Variants in RPS6KA2 observed in about 807,000 individuals in gnomAD.
RPS6KA2 encodes ribosomal protein S6 kinase A2, also known as ribosomal protein S6 kinase alpha-2.
In RPS6KA2, 42 loss-of-function variants were observed where a neutral mutation model predicts 91.8. The ratio of observed to expected loss-of-function variants is 0.46; its 90% CI spans 0.36 to 0.59. The LOEUF (loss-of-function observed/expected upper bound fraction) is 0.59, where lower values mean the gene tolerates loss of function less well. Ranked by LOEUF, RPS6KA2 falls within the 20% of genes least tolerant of loss-of-function variation. The pLI, the probability that RPS6KA2 is intolerant of heterozygous loss-of-function variation, is 0.00. For missense variants in RPS6KA2, 798 were observed against 978.5 expected (o/e 0.82, Z 2.46); for synonymous variants, 414 against 393.6 (o/e 1.05, Z -0.61).
At chr6:166,477,084 C>T (rs546017638) in intron 10 of RPS6KA2, among the ~76,000 whole-genome samples, 5 of 152,166 alleles carry the variant, frequency 3.3e-5, no homozygotes, top group Non-Finnish European at 5.9e-5. Context: ...CTCTGCCCAG[C>T]GGGGTTTTCA....
At chr6:166,840,352 C>T (rs557563046) in intron 2 of RPS6KA2, among the ~76,000 whole-genome samples, 28 of 152,262 alleles carry the variant, frequency 1.8e-4, no homozygotes, top group Middle Eastern at 3.4e-3. Flanking sequence ...TGTGAGAGTG[C>T]GACGGCCTTC....
intron 2 of RPS6KA2, among the ~76,000 whole-genome samples, chr6:166,717,959 C>T (rs949934533): frequency 1.3e-5 from 2 of 152,002 alleles, no homozygotes; most frequent in African/African-American, 2.4e-5. Flanking sequence ...GGCGATTCTC[C>T]TGCGTCAGCC....
chr6:166,829,027 C>T (rs1173816912), intron 2 of RPS6KA2, among the ~76,000 whole-genome samples: 4 of 152,110 alleles, frequency 2.6e-5, no homozygotes, highest in Non-Finnish European at 4.4e-5. Flanking sequence ...AAATAGCAAA[C>T]GACTTGAACA....
intron 12 of RPS6KA2, among the ~76,000 whole-genome samples, chr6:166,456,624 A>G (rs952050010): frequency 6.6e-6 from 1 of 152,254 alleles, no homozygotes; most frequent in Non-Finnish European, 1.5e-5. Context: ...TCCCACTGTG[A>G]GTCCAGGATC....
chr6:166,466,874 A>ACTCC, intron 11 of RPS6KA2, among the ~76,000 whole-genome samples: 1 of 151,500 alleles, frequency 6.6e-6, no homozygotes. Context: ...TTACTCATTC[A>ACTCC]CTCACTCACT....
At chr6:166,578,370 G>A (rs1312076586) in intron 1 of RPS6KA2, among the ~76,000 whole-genome samples, 1 of 152,208 alleles carries the variant, frequency 6.6e-6, no homozygotes, top group East Asian at 1.9e-4. Context: ...GAGCAGTTAA[G>A]AGGCCTCAAT....
chr6:166,634,974 G>A (rs1020853076), intron 2 of RPS6KA2, among the ~76,000 whole-genome samples: 4 of 151,962 alleles, frequency 2.6e-5, no homozygotes, highest in African/African-American at 9.7e-5. Flanking sequence ...AAAATCCACA[G>A]GAAAAAAACT....
intron 1 of RPS6KA2, among the ~76,000 whole-genome samples, chr6:166,549,774 C>T (rs1783940364): frequency 6.6e-6 from 1 of 152,104 alleles, no homozygotes; most frequent in African/African-American, 2.4e-5. Flanking sequence ...TTGCAGAGAA[C>T]TCATATACAC....
At chr6:166,793,271 A>G (rs552208400) in intron 2 of RPS6KA2, among the ~76,000 whole-genome samples, 5 of 147,886 alleles carry the variant, frequency 3.4e-5, no homozygotes, top group African/African-American at 1.2e-4. Flanking sequence ...AAAGAGAATA[A>G]AATACCTAGG....
intron 16 of RPS6KA2, 135 bp downstream of exon 16, chr6:166,430,315 CAAG>C: frequency 1.2e-6 from 1 of 831,522 alleles, no homozygotes; most frequent in Non-Finnish European, 1.9e-6. Flanking sequence ...CCTCCAGACA[CAAG>C]AGAGACGATG....
At chr6:166,724,642 C>G (rs1326843552) in intron 2 of RPS6KA2, among the ~76,000 whole-genome samples, 2 of 152,244 alleles carry the variant, frequency 1.3e-5, no homozygotes, top group Non-Finnish European at 2.9e-5. Context: ...CGTCACCGCA[C>G]AGGTCCTGGT....
intron 1 of RPS6KA2, among the ~76,000 whole-genome samples, chr6:166,581,092 G>A (rs974388433): frequency 5.3e-5 from 8 of 152,040 alleles, no homozygotes; most frequent in Non-Finnish European, 8.8e-5. Flanking sequence ...GTAGATAGGG[G>A]TTTTGCCAGG....
chr6:166,565,264 C>T (rs3778403), intron 1 of RPS6KA2, among the ~76,000 whole-genome samples: 61,655 of 152,116 alleles, frequency 0.41, 12,849 homozygotes, highest in East Asian at 0.6. Flanking sequence ...GAGAGAGGCC[C>T]GTTGTTTAAG....
At chr6:166,807,041 A>G (rs74547609) in intron 2 of RPS6KA2, among the ~76,000 whole-genome samples, 2,170 of 152,336 alleles carry the variant, frequency 0.014, 58 homozygotes, top group African/African-American at 0.049. Flanking sequence ...ATGTTTTACT[A>G]TAAAAATCAA....
Position 166,412,532 on chromosome 6 carries a change from T to G in RPS6KA2, c.*230A>C. The G allele has an allele frequency of 2.4e-6, 1 of 409,622 alleles. No individual in the cohort carries two copies. The highest frequency in any genetic ancestry group is 4.3e-6 in the Non-Finnish European group (1 of 230,724). The allele number at this position is 409,622 out of a possible 1,614,324, so 25.4% of individuals were successfully genotyped here. On this transcript the variant is annotated 3_prime_UTR_variant, in exon 21 of 21. Transcript: ENST00000265678. This position sits in a 1 kb window ranked among gnomAD's most constrained non-coding sequence, Gnocchi z 4.3. ...GCGAGGTGAAGGGGCGCATTTGGTT[T>G]CGCTTGGGAGAAAAGAGAGCGGGCG...
chr6:166,633,945 G>T (rs905264271), intron 2 of RPS6KA2, among the ~76,000 whole-genome samples: 3 of 152,176 alleles, frequency 2.0e-5, no homozygotes, highest in Non-Finnish European at 4.4e-5. Flanking sequence ...GGGACACGGG[G>T]ACGGTTTTTC....
rs115400305 is a variant in RPS6KA2 at position 166,440,520 on chromosome 6, G to T, written c.1333-8030C>A. ...ATAAAATTTAAAAACTGTTACTGGA[G>T]TTATTTCTAAACAGAACTAATATCA... On this transcript the variant is annotated intron_variant, in intron 14 of 20. Transcript: ENST00000265678. Among the ~76,000 whole-genome samples, 628 of 152,308 alleles carry T rather than the reference G, an allele frequency of 4.1e-3. 7 individuals are homozygous for T. Among genetic ancestry groups the T allele is most frequent in the African/African-American group, 0.014 (584 of 41,556 alleles).
At position 166,716,692 on chromosome 6, in the gene RPS6KA2, T is replaced by C. The variant is rs151209323; in HGVS notation, c.123+141508A>G. On this transcript the variant is annotated intron_variant, in intron 2 of 21. Coordinates refer to the RPS6KA2 transcript ENST00000503859. ...ATAACAAATTATTCATTTGGAAAAA[T>C]AGTTAAATCCCTCATTATATACCTC... Among the ~76,000 whole-genome samples the C allele has an allele frequency of 6.5e-3, 986 of 152,172 alleles. 6 individuals are homozygous for C. Among genetic ancestry groups the C allele is most frequent in the Middle Eastern group, 0.021 (6 of 292 alleles).
intron 2 of RPS6KA2, among the ~76,000 whole-genome samples, chr6:166,829,320 G>A (rs550081034): frequency 1.1e-4 from 16 of 152,218 alleles, no homozygotes; most frequent in African/African-American, 3.1e-4. Context: ...GGCCGGGCGC[G>A]GTGGCTCACG....
Sources: allele counts gnomAD v4.1 joint callset (sites outside exome capture counted in the v4.1 genomes callset), GRCh38; gene constraint gnomAD v4.1.1; non-coding constraint Gnocchi (gnomAD v3.1); transcripts MANE v1.5; gene names NCBI Gene and HGNC (gene_info 2026-07-23, HGNC 2026-07-21).